The following ASB3 variants were observed in gnomAD, a reference collection of about 807,000 sequenced individuals.
ASB3 encodes the protein ankyrin repeat and SOCS box containing 3.
ASB3 carries 41 observed loss-of-function variants against 54.5 expected under a neutral mutation model. The ratio of observed to expected loss-of-function variants is 0.75; its 90% CI spans 0.59 to 0.98. The LOEUF (loss-of-function observed/expected upper bound fraction) is 0.98. Among genes scored for constraint, ASB3 ranks in the 50% least tolerant of loss-of-function variants. ASB3 has a pLI of 0.00. For synonymous variants in ASB3, 266 were observed against 221.2 expected (o/e 1.20, Z -1.80); for missense variants, 733 against 620.0 (o/e 1.18, Z -1.94).
At position 53,693,931 on chromosome 2, in the gene ASB3, A is replaced by G. The variant is rs1397128767; in HGVS notation, c.1322T>C (p.Met441Thr). The change falls in exon 9 of 10, where the codon ATG (methionine) becomes ACG (threonine). Residue 441 changes from methionine (M) to threonine (T), a missense_variant. Coordinates refer to ENST00000263634, the MANE Select transcript of ASB3 (RefSeq NM_016115.5). ...WKTLAPAVER[M>T]LSARASNAWI... ...AGCGTTTGAGGCACGAGCAGAGAGC[A>G]TCCTTTCAACAGCTGGTGCAAGTGT... 4 of 1,613,698 alleles carry G rather than the reference A, an allele frequency of 2.5e-6. No individual in the cohort carries two copies. In the African/African-American group the frequency reaches 4.0e-5, roughly 16 times the overall value.
rs1026883918 is a variant in ASB3 at position 53,771,793 on chromosome 2, G to T, written c.-13-6208C>A. On this transcript the variant is annotated intron_variant, in intron 1 of 9. Transcript: ENST00000263634. ...AAAATAACTATGCTTAAGAAATAGT[G>T]CTTCTTATGAGCAAATATAATTCAA... The T allele has an allele frequency of 2.1e-5, 15 of 714,552 alleles. No individual in the cohort carries two copies. The African/African-American group carries it at 2.7e-4, about 13-fold the overall frequency. 44.3% of individuals were successfully genotyped at this position (714,552 alleles called of 1,614,324 possible). A position where few individuals can be genotyped will look rare whatever the true frequency, so the allele number is the denominator to read the frequency against.
At chr2:53,706,221 G>A (rs942458843) in intron 7 of ASB3, among the ~76,000 whole-genome samples, 5 of 152,258 alleles carry the variant, frequency 3.3e-5, no homozygotes, top group African/African-American at 9.6e-5. Flanking sequence ...CAAGAATCAT[G>A]CTCCATCCTT....
intron 5 of ASB3, among the ~76,000 whole-genome samples, chr2:53,722,934 G>C (rs1670789574): frequency 1.3e-5 from 2 of 152,046 alleles, no homozygotes; most frequent in South Asian, 4.1e-4. Context: ...TCTATACCAA[G>C]AAAACCCTGC....
chr2:53,706,209 C>T (rs986877252), intron 7 of ASB3, among the ~76,000 whole-genome samples: 4 of 152,146 alleles, frequency 2.6e-5, no homozygotes, highest in African/African-American at 9.7e-5. Flanking sequence ...CTCATCCAAG[C>T]CCAAGAATCA....
intron 1 of ASB3, among the ~76,000 whole-genome samples, chr2:53,779,120 T>A (rs1036648853): frequency 3.3e-5 from 5 of 152,224 alleles, no homozygotes; most frequent in Non-Finnish European, 5.9e-5. Flanking sequence ...TTAATTTGCA[T>A]TTCCCTGATG....
Position 53,722,413 on chromosome 2 carries a change from T to C in ASB3, c.605-5670A>G, listed in dbSNP as rs72901245. Among the ~76,000 whole-genome samples the C allele has an allele frequency of 9.5e-3, 1,452 of 152,162 alleles. 32 individuals are homozygous for C. The highest frequency in any genetic ancestry group is 0.033 in the African/African-American group (1,371 of 41,518). On this transcript the variant is annotated intron_variant, in intron 5 of 9. Coordinates refer to ENST00000263634, the MANE Select transcript of ASB3 (RefSeq NM_016115.5). Reference sequence around the variant, plus strand: ...GGCCAATAGTGCTGACGAACATAGATACAAAAATTCTCAACAAAATATTAG... The same window carrying C: ...GGCCAATAGTGCTGACGAACATAGACACAAAAATTCTCAACAAAATATTAG...
At chr2:53,718,066 T>C (rs956696178) in intron 5 of ASB3, among the ~76,000 whole-genome samples, 5 of 152,174 alleles carry the variant, frequency 3.3e-5, no homozygotes, top group Non-Finnish European at 5.9e-5. Flanking sequence ...TATGAATTAT[T>C]GGTATTCCTG....
intron 7 of ASB3, among the ~76,000 whole-genome samples, chr2:53,712,777 C>T (rs780833043): frequency 7.2e-5 from 11 of 152,174 alleles, no homozygotes; most frequent in South Asian, 2.1e-4. Flanking sequence ...CAGGCGCGCG[C>T]GCGCGCGCAA....
At chr2:53,768,674 G>A (rs1372813571) in intron 1 of ASB3, among the ~76,000 whole-genome samples, 3 of 152,176 alleles carry the variant, frequency 2.0e-5, no homozygotes, top group African/African-American at 7.2e-5. Context: ...ACTATATCCA[G>A]CATTATTTTA....
At chr2:53,760,030 G>C (rs1261305585) in intron 2 of ASB3, among the ~76,000 whole-genome samples, 1 of 152,118 alleles carries the variant, frequency 6.6e-6, no homozygotes, top group East Asian at 1.9e-4. Flanking sequence ...GGGGATCCTA[G>C]GACAGGCAGT....
chr2:53,706,418 G>A (rs1025528599), intron 7 of ASB3, among the ~76,000 whole-genome samples: 9 of 152,016 alleles, frequency 5.9e-5, no homozygotes, highest in South Asian at 2.1e-4. Flanking sequence ...AAAATATTAT[G>A]TCTTTAAAAA....
intron 1 of ASB3, chr2:53,767,719 C>G (rs922084430): frequency 6.7e-6 from 5 of 751,698 alleles, no homozygotes; most frequent in Non-Finnish European, 8.5e-6. Flanking sequence ...GACTGAGATC[C>G]GCTCGGAAAA....
chr2:53,716,560 A>G lies in ASB3; in HGVS notation c.782+6T>C. The G allele has an allele frequency of 1.9e-6, 3 of 1,607,826 alleles. No homozygotes were observed. The highest frequency in any genetic ancestry group is 2.5e-6 in the Non-Finnish European group (3 of 1,176,492). On this transcript the variant is annotated splice_donor_region_variant and intron_variant, in intron 6 of 9. Transcript: ENST00000263634. The stretch of plus-strand genomic sequence containing the variant: ...ACCATGTTTATTTTCTGTTTTTAAC[A>G]CTTACTTTGTATGGCCCATTTGTGC...
intron 7 of ASB3, among the ~76,000 whole-genome samples, chr2:53,704,018 A>T (rs1669631610): frequency 2.0e-5 from 3 of 152,334 alleles, no homozygotes; most frequent in African/African-American, 7.2e-5. Flanking sequence ...CCAAATTTGA[A>T]TTCTTATAAC....
At chr2:53,771,458 A>G (rs886874172) in intron 1 of ASB3, among the ~76,000 whole-genome samples, 37 of 152,182 alleles carry the variant, frequency 2.4e-4, no homozygotes, top group Admixed American at 4.6e-4. Flanking sequence ...GGTTGCAGTG[A>G]GCCAAGATCG....
intron 1 of ASB3, among the ~76,000 whole-genome samples, chr2:53,785,640 C>T (rs941987759): frequency 6.6e-6 from 1 of 152,136 alleles, no homozygotes; most frequent in Admixed American, 6.5e-5. Flanking sequence ...GTCAGGAGTT[C>T]GAGACCAGCC....
At chr2:53,754,637 C>G (rs933052224) in intron 2 of ASB3, among the ~76,000 whole-genome samples, 2 of 152,178 alleles carry the variant, frequency 1.3e-5, no homozygotes, top group African/African-American at 2.4e-5. Context: ...GGTTATACTT[C>G]GGGCCAATTA....
chr2:53,704,233 G>A (rs1669645136), intron 7 of ASB3, among the ~76,000 whole-genome samples: 1 of 151,874 alleles, frequency 6.6e-6, no homozygotes, highest in African/African-American at 2.4e-5. Flanking sequence ...GGTGGCATAT[G>A]CCTGTAATCC....
At chr2:53,710,723 G>A (rs978445490) in intron 7 of ASB3, among the ~76,000 whole-genome samples, 1 of 152,122 alleles carries the variant, frequency 6.6e-6, no homozygotes, top group African/African-American at 2.4e-5. Flanking sequence ...TGGTTCCAAC[G>A]TCAGCTCAGT....
Sources: allele counts gnomAD v4.1 joint callset (sites outside exome capture counted in the v4.1 genomes callset), GRCh38; gene constraint gnomAD v4.1.1; transcripts MANE v1.5; gene names NCBI Gene and HGNC (gene_info 2026-07-23, HGNC 2026-07-21).